Variants in RIMS1 observed in about 807,000 individuals in gnomAD.
The protein encoded by RIMS1 is regulating synaptic membrane exocytosis 1, also known as regulating synaptic membrane exocytosis protein 1.
Under a neutral mutation model 214.1 loss-of-function variants are expected in RIMS1, and 83 were observed. The observed-to-expected ratio is 0.39, with a 90% confidence interval of 0.32 to 0.47. The LOEUF is 0.47. RIMS1 is among the 20% of genes least tolerant of loss of function. RIMS1 has a pLI of 0.99. For synonymous variants in RIMS1, 793 were observed against 786.8 expected, an observed-to-expected ratio of 1.01 and a Z score of -0.13; for missense variants, 2,050 against 2,161.8, an observed-to-expected ratio of 0.95 and a Z score of 1.03.
chr6:71,945,749 ATC>A (rs1787613011), intron 1 of RIMS1, among the ~76,000 whole-genome samples: 1 of 86,422 alleles, frequency 1.2e-5, no homozygotes, highest in Non-Finnish European at 2.1e-5. Flanking sequence ...AGATGATGTA[ATC>A]TTTTTTTTTT....
chr6:72,197,288 T>A (rs2051149789), intron 6 of RIMS1, among the ~76,000 whole-genome samples: 1 of 152,142 alleles, frequency 6.6e-6, no homozygotes, highest in African/African-American at 2.4e-5. Flanking sequence ...ATCCACTGAT[T>A]GGTTGCTCAT....
At chr6:72,320,246 TAGAC>T (rs2096073776) in intron 28 of RIMS1, among the ~76,000 whole-genome samples, 1 of 152,226 alleles carries the variant, frequency 6.6e-6, no homozygotes, top group Non-Finnish European at 1.5e-5. Context: ...AATTGCCTGA[TAGAC>T]AGGAGAAAGT....
chr6:71,888,527 G>T (rs942099304), intron 1 of RIMS1, among the ~76,000 whole-genome samples: 1 of 152,160 alleles, frequency 6.6e-6, no homozygotes, highest in Admixed American at 6.5e-5. Context: ...AGATGCTGCC[G>T]AAGAAGATTT....
At chr6:71,889,605 T>A (rs1351911269) in intron 1 of RIMS1, among the ~76,000 whole-genome samples, 1 of 152,216 alleles carries the variant, frequency 6.6e-6, no homozygotes, top group Non-Finnish European at 1.5e-5. Context: ...TTTGCTGCCA[T>A]GTAAGCATGT....
At chr6:72,351,948 A>G (rs2097462457) in intron 29 of RIMS1, among the ~76,000 whole-genome samples, 2 of 152,148 alleles carry the variant, frequency 1.3e-5, no homozygotes, top group Non-Finnish European at 2.9e-5. Flanking sequence ...CCATTTACTT[A>G]TGAGGAAATT....
At chr6:71,961,535 AT>A (rs1792960965) in intron 1 of RIMS1, among the ~76,000 whole-genome samples, 1 of 151,960 alleles carries the variant, frequency 6.6e-6, no homozygotes, top group Non-Finnish European at 1.5e-5. Context: ...GTTTGTAGCA[AT>A]TATCTTCATT....
At chr6:72,141,240 A>T (rs1227921900) in intron 4 of RIMS1, among the ~76,000 whole-genome samples, 1 of 152,050 alleles carries the variant, frequency 6.6e-6, no homozygotes, top group Non-Finnish European at 1.5e-5. Flanking sequence ...GTCTATGAAT[A>T]TATGGGAGGG....
intron 1 of RIMS1, among the ~76,000 whole-genome samples, chr6:71,895,242 A>T (rs1156641440): frequency 2.0e-5 from 3 of 152,256 alleles, no homozygotes; most frequent in Non-Finnish European, 4.4e-5. Context: ...TTCTGTACTT[A>T]AAGCAGTATT....
At chr6:72,100,018 G>A in intron 4 of RIMS1, 32 bp downstream of exon 4, 2 of 1,562,998 alleles carry the variant, frequency 1.3e-6, no homozygotes, top group East Asian at 2.3e-5. Flanking sequence ...TCTATCATTT[G>A]TTATTGTATT....
rs549170489 is a variant in RIMS1, at chr6:72,008,023, A to G, written c.245+38960A>G. Among the ~76,000 whole-genome samples, 4 of 152,308 alleles carry G rather than the reference A, an allele frequency of 2.6e-5. No individual in the cohort carries two copies. In the East Asian group the frequency reaches 5.8e-4, roughly 22 times the overall value. On this transcript the variant is annotated intron_variant, in intron 2 of 33. Coordinates refer to ENST00000521978, the MANE Select transcript of RIMS1 (RefSeq NM_014989.7). Reference sequence around the variant, plus strand: ...AGCAACTCCAAGACACATAATTGTCAGATTCACCAAAGTTGAAATGAAGGA... The same window carrying G: ...AGCAACTCCAAGACACATAATTGTCGGATTCACCAAAGTTGAAATGAAGGA...
At chr6:72,376,224 T>C (rs1289895126) in intron 29 of RIMS1, among the ~76,000 whole-genome samples, 3 of 152,192 alleles carry the variant, frequency 2.0e-5, no homozygotes, top group Non-Finnish European at 4.4e-5. Flanking sequence ...TGTGCTAGCA[T>C]ACCCTTGTTT....
chr6:71,923,233 C>T (rs925927316), intron 1 of RIMS1, among the ~76,000 whole-genome samples: 9 of 152,160 alleles, frequency 5.9e-5, no homozygotes, highest in African/African-American at 1.9e-4. Flanking sequence ...CCTAATTAAC[C>T]TTAATAGGCT....
chr6:72,340,000 G>C (rs1337969965), intron 29 of RIMS1, among the ~76,000 whole-genome samples: 6 of 151,912 alleles, frequency 3.9e-5, no homozygotes, highest in Non-Finnish European at 7.4e-5. Context: ...GATGGTATCT[G>C]ATTGTGGTTT....
At chr6:72,089,749 G>A (rs868649834) in intron 2 of RIMS1, among the ~76,000 whole-genome samples, 6 of 147,080 alleles carry the variant, frequency 4.1e-5, no homozygotes, top group Middle Eastern at 3.4e-3. Context: ...ATTCACAATA[G>A]CAAAGACTTG....
intron 28 of RIMS1, among the ~76,000 whole-genome samples, chr6:72,327,964 A>G (rs932669782): frequency 1.3e-5 from 2 of 151,790 alleles, no homozygotes; most frequent in African/African-American, 2.4e-5. Context: ...CAGAAGTTCT[A>G]TTAAATGTAA....
intron 4 of RIMS1, among the ~76,000 whole-genome samples, chr6:72,154,715 A>G (rs2044212960): frequency 7.1e-6 from 1 of 140,962 alleles, no homozygotes; most frequent in African/African-American, 2.5e-5. Flanking sequence ...GAGGATAAAA[A>G]GAACAGTTTC....
At chr6:72,010,501 A>C (rs759817581) in intron 2 of RIMS1, among the ~76,000 whole-genome samples, 2 of 152,206 alleles carry the variant, frequency 1.3e-5, no homozygotes, top group Non-Finnish European at 2.9e-5. Flanking sequence ...AGGAGAAGGA[A>C]ATAAAGGGTA....
rs575904558 is a variant in RIMS1, at chr6:72,088,253, ATTTATTT to A, written c.246-8695_246-8689del. Among the ~76,000 whole-genome samples the A allele has an allele frequency of 4.1e-3, 593 of 145,568 alleles. 5 individuals carry two copies. Among genetic ancestry groups the A allele is most frequent in the African/African-American group, 0.014 (564 of 39,024 alleles). ...TATTTATTTATTTATTTATTTATTTATTTATTTATTTTGAGACCGAGTCTCACTCTTG... is the reference window on the plus strand; with the variant it reads ...TATTTATTTATTTATTTATTTATTTAATTTTGAGACCGAGTCTCACTCTTG... On this transcript the variant is annotated intron_variant, in intron 2 of 33. Transcript: ENST00000521978.
At chr6:71,974,363 G>A (rs920887214) in intron 2 of RIMS1, among the ~76,000 whole-genome samples, 10 of 152,070 alleles carry the variant, frequency 6.6e-5, no homozygotes, top group South Asian at 4.1e-4. Flanking sequence ...AGGAAGTGCT[G>A]CATCAGAAGA....
Sources: gnomAD v4.1 joint callset for allele counts (sites outside exome capture counted in the v4.1 genomes callset) on GRCh38, gnomAD v4.1.1 for gene constraint, MANE v1.5 for transcripts, NCBI Gene and HGNC (gene_info 2026-07-23, HGNC 2026-07-21) for gene names.